CSMD2: variants seen among roughly 807,000 people sequenced by gnomAD.
The protein encoded by CSMD2 is CUB and sushi domain-containing protein 2.
CSMD2 carries 130 observed loss-of-function variants against 398.5 expected under a neutral mutation model. The ratio of observed to expected loss-of-function variants is 0.33; its 90% CI spans 0.28 to 0.38. The LOEUF is 0.38. Ranked by LOEUF, CSMD2 falls within the 10% of genes least tolerant of loss-of-function variation. The pLI is 1.00. For synonymous variants in CSMD2, 1,828 were observed against 1,908.5 expected, an observed-to-expected ratio of 0.96 and a Z score of 1.10; for missense variants, 3,829 against 4,764.9, an observed-to-expected ratio of 0.80 and a Z score of 5.78.
chr1:33,573,345 G>A (rs1462226100), intron 49 of CSMD2, among the ~76,000 whole-genome samples: 1 of 152,106 alleles, frequency 6.6e-6, no homozygotes, highest in Non-Finnish European at 1.5e-5. Flanking sequence ...TCAGCAGTGC[G>A]AACAAGACAA....
At chr1:33,557,435 A>G (rs1251455174) in intron 55 of CSMD2, among the ~76,000 whole-genome samples, 1 of 152,216 alleles carries the variant, frequency 6.6e-6, no homozygotes, top group African/African-American at 2.4e-5. Context: ...CAGTTCTGAA[A>G]AAAGGGAACT....
chr1:34,162,790 C>T (rs915527934), intron 1 of CSMD2, among the ~76,000 whole-genome samples: 1 of 152,044 alleles, frequency 6.6e-6, no homozygotes, highest in African/African-American at 2.4e-5. Flanking sequence ...ACCCAGGAGG[C>T]GGAGGTTGCA....
At chr1:34,086,690 CCTT>C (rs1657923971) in intron 2 of CSMD2, among the ~76,000 whole-genome samples, 1 of 152,206 alleles carries the variant, frequency 6.6e-6, no homozygotes, top group Non-Finnish European at 1.5e-5. Context: ...ACCCAAGCCT[CCTT>C]CTTCTCTGCC....
At chr1:33,524,845 C>A (rs1178535160) in intron 66 of CSMD2, 37 bp downstream of exon 66, 3 of 1,606,564 alleles carry the variant, frequency 1.9e-6, no homozygotes, top group Non-Finnish European at 2.6e-6. Flanking sequence ...TGTGCCCATC[C>A]ATCCTCCCGG....
intron 5 of CSMD2, chr1:33,885,324 C>T (rs1558052680): frequency 6.6e-6 from 1 of 152,170 alleles, no homozygotes; most frequent in African/African-American, 2.4e-5. Context: ...TTCTCAAAAA[C>T]CTAAGTGCTT....
intron 25 of CSMD2, among the ~76,000 whole-genome samples, chr1:33,680,591 T>C (rs1289773722): frequency 6.6e-6 from 1 of 152,206 alleles, no homozygotes; most frequent in East Asian, 1.9e-4. Context: ...AGCACTTCTG[T>C]GCTCTGGGCC....
At chr1:34,141,532 T>G (rs930494208) in intron 1 of CSMD2, among the ~76,000 whole-genome samples, 1 of 152,160 alleles carries the variant, frequency 6.6e-6, no homozygotes, top group Non-Finnish European at 1.5e-5. Context: ...CTGGGCCTTG[T>G]GGCTACCCAG....
chr1:33,684,038 C>T (rs1394036921), intron 25 of CSMD2, among the ~76,000 whole-genome samples: 1 of 152,198 alleles, frequency 6.6e-6, no homozygotes, highest in East Asian at 1.9e-4. Flanking sequence ...TCCTCTGGGC[C>T]AGCTGCCCAC....
intron 2 of CSMD2, among the ~76,000 whole-genome samples, chr1:34,057,247 C>T (rs1268874470): frequency 6.6e-6 from 1 of 152,250 alleles, no homozygotes. Context: ...TGACCACAAC[C>T]TTCCAAGGGC....
At chr1:33,815,932 T>C (rs534968400) in intron 9 of CSMD2, among the ~76,000 whole-genome samples, 1 of 152,158 alleles carries the variant, frequency 6.6e-6, no homozygotes, top group African/African-American at 2.4e-5. Flanking sequence ...AAAATAGAAC[T>C]CTGGATAACA....
At chr1:33,619,391 G>A (rs1020800240) in intron 37 of CSMD2, among the ~76,000 whole-genome samples, 10 of 152,110 alleles carry the variant, frequency 6.6e-5, no homozygotes, top group Non-Finnish European at 1.2e-4. Context: ...TCATGGAAAA[G>A]AAACAGGAAA....
At chr1:33,687,682 A>T (rs1645102573) in intron 25 of CSMD2, among the ~76,000 whole-genome samples, 1 of 152,206 alleles carries the variant, frequency 6.6e-6, no homozygotes, top group African/African-American at 2.4e-5. Context: ...ATGGAACATA[A>T]ATAAAACAAA....
At position 33,537,092 on chromosome 1, in the gene CSMD2, G is replaced by A. The variant is rs767450351; in HGVS notation, c.9809C>T (p.Pro3270Leu). The A allele has an allele frequency of 1.1e-5, 17 of 1,614,132 alleles. No homozygotes were observed. The highest frequency in any genetic ancestry group is 5.3e-5 in the African/African-American group (4 of 75,030). The change falls in exon 62 of 71, where the codon CCG (proline) becomes CTG (leucine). Residue 3270 changes from proline to leucine, a missense_variant. Pro to Leu is a moderately conservative substitution (Grantham distance 98). Coordinates refer to ENST00000373381, the MANE Select transcript of CSMD2 (RefSeq NM_001281956.2). The surrounding 1 kb of genome is among the most constrained non-coding windows in gnomAD (Gnocchi z 4.6). ...WSGTQPSCID[P>L]TLTTCADPGV... ...AGGGTCCGCACACGTGGTCAGGGTC[G>A]GATCTGGATGGCCAAAACAAAGACA...
At chr1:34,010,002 T>G (rs941295145) in intron 3 of CSMD2, among the ~76,000 whole-genome samples, 14 of 152,188 alleles carry the variant, frequency 9.2e-5, no homozygotes, top group African/African-American at 3.1e-4. Flanking sequence ...TCTTTTGAAA[T>G]GTCTAATTGT....
chr1:33,643,276 A>G (rs1206469149), intron 29 of CSMD2, among the ~76,000 whole-genome samples: 1 of 152,204 alleles, frequency 6.6e-6, no homozygotes, highest in Admixed American at 6.5e-5. Flanking sequence ...AGCATATGGG[A>G]CACATACGTC....
intron 13 of CSMD2, among the ~76,000 whole-genome samples, chr1:33,746,574 T>C (rs985510169): frequency 3.9e-5 from 6 of 152,246 alleles, no homozygotes; most frequent in Non-Finnish European, 5.9e-5. Context: ...TGAGCAGCTA[T>C]ATATGATAGC....
At chr1:33,640,559 C>T (rs1643048775) in intron 29 of CSMD2, among the ~76,000 whole-genome samples, 2 of 152,170 alleles carry the variant, frequency 1.3e-5, no homozygotes, top group South Asian at 4.1e-4. Context: ...GCAACAGAGA[C>T]CATCTGGAGT....
At chr1:33,899,698 C>T (rs1321587609) in intron 5 of CSMD2, among the ~76,000 whole-genome samples, 1 of 152,164 alleles carries the variant, frequency 6.6e-6, no homozygotes, top group Non-Finnish European at 1.5e-5. Flanking sequence ...TCTGCATGTT[C>T]CCAGCAGGTT....
At chr1:33,569,958 C>T (rs562690342) in intron 51 of CSMD2, among the ~76,000 whole-genome samples, 1 of 152,338 alleles carries the variant, frequency 6.6e-6, no homozygotes, top group South Asian at 2.1e-4. Context: ...CAGCCTCACA[C>T]TCTTTGTCAA....
Sources: gnomAD v4.1 joint callset for allele counts (sites outside exome capture counted in the v4.1 genomes callset) on GRCh38, gnomAD v4.1.1 for gene constraint, Gnocchi (gnomAD v3.1) non-coding constraint, MANE v1.5 for transcripts, NCBI Gene and HGNC (gene_info 2026-07-23, HGNC 2026-07-21) for gene names.